Variants in GNG7 observed in about 807,000 individuals in gnomAD.
The protein encoded by GNG7 is guanine nucleotide-binding protein G(I)/G(S)/G(O) subunit gamma-7.
Under a neutral mutation model 4.0 loss-of-function variants are expected in GNG7, and 1 was observed. The ratio of observed to expected loss-of-function variants is 0.25; its 90% confidence interval spans 0.09 to 1.18. The LOEUF is 1.18. Ranked by LOEUF, GNG7 falls within the 50% of genes most tolerant of loss-of-function variation. The probability of loss-of-function intolerance (pLI) is 0.50; values close to 1 mark genes in which losing one functional copy is unlikely to be tolerated. For synonymous variants in GNG7, 34 were observed against 36.9 expected, an observed-to-expected ratio of 0.92 and a Z score of 0.29; for missense variants, 86 against 91.9, an observed-to-expected ratio of 0.94 and a Z score of 0.26.
rs141807260 is a variant in GNG7, at chr19:2,573,340, T to C, written c.-77-18152A>G. On this transcript the variant is annotated intron_variant, in intron 2 of 4. Coordinates refer to ENST00000382159, the MANE Select transcript of GNG7 (RefSeq NM_052847.3). ...GCCTGGCCTGGCTTCCTTCATGAAA[T>C]AGGTATTGAGGGGACCACAGTTCCG... is the stretch of plus-strand genomic sequence containing the variant. 2.3e-3 allele frequency among the ~76,000 whole-genome samples: 351 copies of C among 151,704 alleles called. 2 individuals are homozygous for C. The highest frequency in any genetic ancestry group is 8.2e-3 in the African/African-American group (338 of 41,366).
At chr19:2,597,835 G>A (rs932253912) in intron 2 of GNG7, among the ~76,000 whole-genome samples, 6 of 149,614 alleles carry the variant, frequency 4.0e-5, no homozygotes, top group Non-Finnish European at 7.4e-5. Context: ...GGCAGAGCTT[G>A]CAGTGAGCCG....
intron 1 of GNG7, among the ~76,000 whole-genome samples, chr19:2,699,124 A>AGG (rs1288229654): frequency 2.0e-5 from 3 of 151,280 alleles, no homozygotes; most frequent in African/African-American, 7.3e-5. Flanking sequence ...GCCACATAAA[A>AGG]GGCCCACCTA....
chr19:2,675,326 G>C lies in GNG7; in HGVS notation c.-135+27320C>G, dbSNP rs368469444. On this transcript the variant is annotated intron_variant, in intron 1 of 4. Transcript: ENST00000382159. Reference sequence around the variant, plus strand: ...AGCAAGTGCACGGGCTCGGGAATGGGAATCTGGCTTTATGGAACCTCCAGG... The same window carrying C: ...AGCAAGTGCACGGGCTCGGGAATGGCAATCTGGCTTTATGGAACCTCCAGG... Among the ~76,000 whole-genome samples, 4 of 152,320 alleles carry C rather than the reference G, an allele frequency of 2.6e-5. No individual in the cohort carries two copies. The East Asian group carries it at 5.8e-4, about 22-fold the overall frequency.
At chr19:2,521,700 G>C (rs1477668489) in intron 3 of GNG7, among the ~76,000 whole-genome samples, 1 of 137,986 alleles carries the variant, frequency 7.2e-6, no homozygotes, top group Non-Finnish European at 1.5e-5. Context: ...TGCAACCTCT[G>C]CCTCCCGGGT....
intron 1 of GNG7, among the ~76,000 whole-genome samples, chr19:2,695,067 T>A (rs1913213564): frequency 6.6e-6 from 1 of 152,130 alleles, no homozygotes; most frequent in African/African-American, 2.4e-5. Context: ...TCCCAGCTAC[T>A]CTGGGAGGCT....
intron 2 of GNG7, among the ~76,000 whole-genome samples, chr19:2,590,810 C>T (rs1044048062): frequency 4.6e-5 from 7 of 150,932 alleles, no homozygotes; most frequent in South Asian, 2.1e-4. Context: ...TCCACCCATC[C>T]GCCCACCCAA....
At chr19:2,550,900 G>A (rs186259357) in intron 3 of GNG7, among the ~76,000 whole-genome samples, 67 of 152,330 alleles carry the variant, frequency 4.4e-4, no homozygotes, top group African/African-American at 1.6e-3. Context: ...TCAGGGAGGC[G>A]TCAGTGGTGG....
intron 3 of GNG7, among the ~76,000 whole-genome samples, chr19:2,535,280 A>C (rs533475177): frequency 1.3e-5 from 2 of 150,242 alleles, no homozygotes; most frequent in African/African-American, 4.9e-5. Context: ...CTTGAGCCCA[A>C]GAGTTCGAGA....
chr19:2,640,246 G>C (rs1033845743), intron 2 of GNG7, among the ~76,000 whole-genome samples: 1 of 151,588 alleles, frequency 6.6e-6, no homozygotes, highest in Admixed American at 6.6e-5. Flanking sequence ...GAAAGAAAGA[G>C]AGAGGAAGGA....
At chr19:2,628,123 G>T (rs1378794694) in intron 2 of GNG7, among the ~76,000 whole-genome samples, 4 of 152,232 alleles carry the variant, frequency 2.6e-5, no homozygotes, top group Non-Finnish European at 5.9e-5. Flanking sequence ...GCAAGTGTAT[G>T]AGTCAGCTAC....
At chr19:2,561,337 G>T (rs1979735118) in intron 2 of GNG7, among the ~76,000 whole-genome samples, 1 of 152,164 alleles carries the variant, frequency 6.6e-6, no homozygotes, top group Non-Finnish European at 1.5e-5. Context: ...TCAGCACCCT[G>T]CAGTGCCCAG....
At chr19:2,655,559 C>T (rs1048729260) in intron 1 of GNG7, among the ~76,000 whole-genome samples, 4 of 151,788 alleles carry the variant, frequency 2.6e-5, no homozygotes, top group African/African-American at 9.7e-5. Flanking sequence ...AAAAATTAGG[C>T]CGGGTGCGGT....
chr19:2,665,247 G>C (rs1005286901), intron 1 of GNG7, among the ~76,000 whole-genome samples: 2 of 151,992 alleles, frequency 1.3e-5, no homozygotes, highest in Non-Finnish European at 2.9e-5. Context: ...GGATGGAGCC[G>C]TCCTGAGCAC....
intron 1 of GNG7, among the ~76,000 whole-genome samples, chr19:2,669,997 G>A (rs564090971): frequency 2.7e-5 from 4 of 146,474 alleles, no homozygotes; most frequent in African/African-American, 1.0e-4. Context: ...GTGACAGAGC[G>A]AGACTCTGTC....
intron 1 of GNG7, among the ~76,000 whole-genome samples, chr19:2,651,369 ATCCCTCCCTCCCTCCCTTCCCTCCATCCC>A (rs1982821149): frequency 9.9e-4 from 18 of 18,254 alleles, no homozygotes; most frequent in Admixed American, 8.8e-3. Context: ...CCTTCCCTCC[ATCCCTCCCTCCCTCCCTTCCCTCCATCCC>A]TCCCTCCCTC....
At chr19:2,654,150 G>C (rs1568275314) in intron 1 of GNG7, among the ~76,000 whole-genome samples, 2 of 152,094 alleles carry the variant, frequency 1.3e-5, no homozygotes, top group African/African-American at 4.8e-5. Flanking sequence ...GAAGCCAGGT[G>C]GGGGCGGGGC....
chr19:2,674,624 C>T (rs1052534139), intron 1 of GNG7, among the ~76,000 whole-genome samples: 7 of 152,060 alleles, frequency 4.6e-5, no homozygotes, highest in African/African-American at 7.2e-5. Context: ...TTAGTAGAGA[C>T]GAGTTTTTAC....
At chr19:2,615,949 T>C (rs1981712829) in intron 2 of GNG7, among the ~76,000 whole-genome samples, 1 of 152,180 alleles carries the variant, frequency 6.6e-6, no homozygotes, top group South Asian at 2.1e-4. Flanking sequence ...CCTGTCCCCT[T>C]CAAATCCTTA....
At chr19:2,541,678 G>A (rs1232683373) in intron 3 of GNG7, among the ~76,000 whole-genome samples, 3 of 151,650 alleles carry the variant, frequency 2.0e-5, no homozygotes, top group Non-Finnish European at 4.4e-5. Context: ...GGAGGCGGAG[G>A]TTGCAGTGAG....
Sources: gnomAD v4.1 joint callset for allele counts (sites outside exome capture counted in the v4.1 genomes callset) on GRCh38, gnomAD v4.1.1 for gene constraint, MANE v1.5 for transcripts, NCBI Gene and HGNC (gene_info 2026-07-23, HGNC 2026-07-21) for gene names.